USP38: variants seen among roughly 807,000 people sequenced by gnomAD.
USP38 encodes the protein ubiquitin specific peptidase 38, also known as ubiquitin carboxyl-terminal hydrolase 38.
USP38 carries 49 observed loss-of-function variants against 94.3 expected under a neutral mutation model. The ratio of observed to expected loss-of-function variants is 0.52; its 90% CI spans 0.41 to 0.66. The LOEUF (loss-of-function observed/expected upper bound fraction) is 0.66, where lower values mean the gene tolerates loss of function less well. Among genes scored for constraint, USP38 ranks in the 30% least tolerant of loss-of-function variants. The pLI is 0.00. For synonymous variants in USP38, 468 were observed against 463.6 expected, an observed-to-expected ratio of 1.01 and a Z score of -0.12; for missense variants, 1,128 against 1,229.4, an observed-to-expected ratio of 0.92 and a Z score of 1.23.
Position 143,206,241 on chromosome 4 carries a change from G to T in USP38, c.1403+15G>T. 1.3e-6 allele frequency: 2 copies of T among 1,540,776 alleles called. No homozygotes were observed. The highest frequency in any genetic ancestry group is 1.3e-5 in the South Asian group (1 of 78,010). ...ATGGCCACAGAGTAAGTTTAAACTT[G>T]AATCTTTTCATTTTAACTGTAGAAG... On this transcript the variant is annotated intron_variant, in intron 6 of 9. Coordinates refer to ENST00000307017, the MANE Select transcript of USP38 (RefSeq NM_032557.6).
intron 5 of USP38, 74 bp from the exon 6 acceptor site, chr4:143,205,959 G>C: frequency 8.8e-7 from 1 of 1,138,628 alleles, no homozygotes; most frequent in Non-Finnish European, 1.2e-6. Flanking sequence ...TCTTCTTAAT[G>C]GTGTTAATTA....
intron 6 of USP38, 69 bp downstream of exon 6, chr4:143,206,295 A>T: frequency 7.6e-7 from 1 of 1,314,856 alleles, no homozygotes; most frequent in Non-Finnish European, 1.0e-6. Context: ...ATATAAGATG[A>T]TAGAATTGTC....
chr4:143,216,092 A>G (rs964350339), intron 9 of USP38, among the ~76,000 whole-genome samples: 1 of 152,122 alleles, frequency 6.6e-6, no homozygotes, highest in Admixed American at 6.6e-5. Context: ...TGTGATTAGA[A>G]TCCCAAATGC....
Position 143,223,783 on chromosome 4 carries a change from G to A in USP38, c.*3327G>A, listed in dbSNP as rs1732380711. ...TTAAAATGACTATTTCAAAAATACT[G>A]TACATTTATATATAGTATTTTTTCT... is the stretch of plus-strand genomic sequence containing the variant. On this transcript the variant is annotated 3_prime_UTR_variant, in exon 10 of 10. Coordinates refer to ENST00000307017, the MANE Select transcript of USP38 (RefSeq NM_032557.6). 6.6e-6 allele frequency: 1 copy of A among 151,782 alleles called. No individual in the cohort carries two copies. Among genetic ancestry groups the A allele is most frequent in the Admixed American group, 6.6e-5 (1 of 15,220 alleles). 9.4% of individuals were successfully genotyped at this position (151,782 alleles called of 1,614,324 possible).
chr4:143,219,446 G>A (rs2149614615), intron 9 of USP38, among the ~76,000 whole-genome samples: 1 of 152,158 alleles, frequency 6.6e-6, no homozygotes, highest in South Asian at 2.1e-4. Context: ...TAGGCCTTAA[G>A]TTGAAAAATC....
In USP38 at chr4:143,185,429, CTGGCCT is replaced by C. The variant is rs771437759; in HGVS notation, c.-19_-14del. 1 of 1,558,242 alleles carries C rather than the reference CTGGCCT, an allele frequency of 6.4e-7. No individual in the cohort carries two copies. Among genetic ancestry groups the C allele is most frequent in the Non-Finnish European group, 8.7e-7 (1 of 1,148,946 alleles). On this transcript the variant is annotated 5_prime_UTR_variant, in exon 1 of 10. Coordinates refer to ENST00000307017, the MANE Select transcript of USP38 (RefSeq NM_032557.6). ...GCCACCCGCTCCTTATCCCCTGGCC[CTGGCCT>C]TGCAGCGTGGCGACAATGGACAAGA... is the stretch of plus-strand genomic sequence containing the variant.
rs946248194 is a variant in USP38, at chr4:143,222,183, A to G, written c.*1727A>G. 1.3e-4 allele frequency: 20 copies of G among 152,066 alleles called. 1 individual carries two copies. The highest frequency in any genetic ancestry group is 4.8e-4 in the African/African-American group (20 of 41,452). The allele number at this position is 152,066 out of a possible 1,614,324, so 9.4% of individuals were successfully genotyped here. A position where few individuals can be genotyped will look rare whatever the true frequency, so the allele number is the denominator to read the frequency against. ...GCTTCTAGGAACTTTCATAAAAGCA[A>G]TTATACTTGTGCAGCTTTATCTATG... On this transcript the variant is annotated 3_prime_UTR_variant, in exon 10 of 10. Transcript: ENST00000307017.
At chr4:143,209,113 A>G (rs908520503) in intron 6 of USP38, among the ~76,000 whole-genome samples, 3 of 138,646 alleles carry the variant, frequency 2.2e-5, no homozygotes, top group African/African-American at 8.0e-5. Flanking sequence ...TACTTATCTT[A>G]TAAATTAATG....
rs145924325 is a variant in USP38 at position 143,220,381 on chromosome 4, C to G, written c.3054C>G (p.Asp1018Glu). 11 of 1,613,298 alleles carry G rather than the reference C, an allele frequency of 6.8e-6. No homozygotes were observed. The African/African-American group carries it at 1.5e-4, about 22-fold the overall frequency. The change falls in exon 10 of 10, where the codon GAC becomes GAG. Residue 1018 changes from aspartate (D) to glutamate (E), a missense_variant. Coordinates refer to ENST00000307017, the MANE Select transcript of USP38 (RefSeq NM_032557.6). Reference sequence around the variant, plus strand: ...GGCCCAATGGATTTGATGACAACGACCCACCAGGAAGCTGTGGACCAACTG... The same window carrying G: ...GGCCCAATGGATTTGATGACAACGAGCCACCAGGAAGCTGTGGACCAACTG... Reference protein sequence around the residue: ...SFRPNGFDDNDPPGSCGPTGG... With the variant: ...SFRPNGFDDNEPPGSCGPTGG...
rs146874493 is a variant in USP38, at chr4:143,213,712, G to C, written c.1736G>C (p.Ser579Thr). 60 of 1,613,780 alleles carry C rather than the reference G, an allele frequency of 3.7e-5. No individual in the cohort carries two copies. Among genetic ancestry groups the C allele is most frequent in the Admixed American group, 2.0e-4 (12 of 59,952 alleles). ...AAVLTETPRT[S>T]DGEKTLIEKM... ...GTACTAACAGAGACCCCTCGTACAA[G>C]TGACGGTGAGAAGACTTTAATAGAA... The change falls in exon 9 of 10, where the codon AGT (serine) becomes ACT (threonine). Residue 579 changes from serine to threonine, a missense_variant. Transcript: ENST00000307017.
At chr4:143,211,368 A>G (rs1344700026) in intron 7 of USP38, among the ~76,000 whole-genome samples, 1 of 152,132 alleles carries the variant, frequency 6.6e-6, no homozygotes, top group African/African-American at 2.4e-5. Flanking sequence ...TAAATCTTTT[A>G]TGTCTTAATC....
intron 7 of USP38, among the ~76,000 whole-genome samples, chr4:143,210,214 C>T (rs1356136845): frequency 6.6e-6 from 1 of 152,002 alleles, no homozygotes; most frequent in Non-Finnish European, 1.5e-5. Context: ...GTTAATGGCA[C>T]CAAGGTGGTC....
chr4:143,203,007 C>G (rs1731759841), intron 4 of USP38, among the ~76,000 whole-genome samples: 1 of 152,072 alleles, frequency 6.6e-6, no homozygotes, highest in South Asian at 2.1e-4. Flanking sequence ...TTTAGATTCA[C>G]ACTAGATGGA....
intron 4 of USP38, among the ~76,000 whole-genome samples, chr4:143,198,320 T>G (rs1031894408): frequency 2.6e-5 from 4 of 152,204 alleles, no homozygotes; most frequent in Admixed American, 1.3e-4. Context: ...CTACAAATCC[T>G]GTTGACCCCA....
At chr4:143,219,191 G>C (rs566746092) in intron 9 of USP38, among the ~76,000 whole-genome samples, 1 of 152,060 alleles carries the variant, frequency 6.6e-6, no homozygotes, top group Non-Finnish European at 1.5e-5. Context: ...TTTATCAAAG[G>C]TCCCTTTCAG....
intron 2 of USP38, among the ~76,000 whole-genome samples, chr4:143,190,937 A>G (rs1337820646): frequency 6.6e-6 from 1 of 152,004 alleles, no homozygotes; most frequent in Non-Finnish European, 1.5e-5. Context: ...CAGTTATAGT[A>G]CCCAATTTAG....
At chr4:143,197,793 C>G (rs774511914) in intron 3 of USP38, 30 bp from the exon 4 acceptor site, 1 of 1,497,522 alleles carries the variant, frequency 6.7e-7, no homozygotes, top group Admixed American at 1.7e-5. Flanking sequence ...CCTGCAAATT[C>G]TTAAGAAGGT....
chr4:143,191,944 G>GAGAAGAACCTC (rs1374276419), intron 2 of USP38, among the ~76,000 whole-genome samples: 3 of 152,196 alleles, frequency 2.0e-5, no homozygotes, highest in Admixed American at 1.3e-4. Flanking sequence ...GCCTGTACTG[G>GAGAAGAACCTC]AGAAGAACCT....
intron 9 of USP38, among the ~76,000 whole-genome samples, chr4:143,219,043 ATAT>A (rs1389980535): frequency 6.6e-6 from 1 of 152,134 alleles, no homozygotes; most frequent in African/African-American, 2.4e-5. Flanking sequence ...CTGTAGGTAG[ATAT>A]TATACCAAAG....
Sources: allele counts gnomAD v4.1 joint callset (sites outside exome capture counted in the v4.1 genomes callset), GRCh38; gene constraint gnomAD v4.1.1; transcripts MANE v1.5; gene names NCBI Gene and HGNC (gene_info 2026-07-23, HGNC 2026-07-21).